Variants in VWA3B observed in about 807,000 individuals in gnomAD.
VWA3B encodes the protein von Willebrand factor A domain-containing protein 3B.
In VWA3B, 138 loss-of-function variants were observed where a neutral mutation model predicts 158.3. That is an observed-to-expected ratio of 0.87 (90% confidence interval 0.76 to 1.00). The LOEUF (loss-of-function observed/expected upper bound fraction) is 1.00, where lower values mean the gene tolerates loss of function less well. Ranked by LOEUF, VWA3B falls within the 50% of genes least tolerant of loss-of-function variation. The pLI is 0.00. For synonymous variants in VWA3B, 596 were observed against 587.3 expected (o/e 1.01, Z -0.21); for missense variants, 1,555 against 1,565.1 (o/e 0.99, Z 0.11).
downstream of VWA3B, among the ~76,000 whole-genome samples, chr2:98,316,200 A>G (rs1441693307): frequency 6.6e-6 from 1 of 152,228 alleles, no homozygotes; most frequent in Non-Finnish European, 1.5e-5. Flanking sequence ...GCATGTTTAC[A>G]GTAGGAGAGC....
chr2:98,266,753 G>C (rs1401021103), intron 21 of VWA3B, among the ~76,000 whole-genome samples: 1 of 110,230 alleles, frequency 9.1e-6, no homozygotes, highest in Admixed American at 9.8e-5. Context: ...CCTTGAAGAG[G>C]TCCTTCACAT....
chr2:98,206,678 G>A (rs575333354), intron 12 of VWA3B: 83 of 338,640 alleles, frequency 2.5e-4, no homozygotes, highest in South Asian at 4.4e-4. Flanking sequence ...GGAAATTAGC[G>A]TTGAGCAAGA....
At chr2:98,279,162 G>C (rs1277309968) in intron 22 of VWA3B, among the ~76,000 whole-genome samples, 1 of 152,140 alleles carries the variant, frequency 6.6e-6, no homozygotes. Context: ...TTTAAGGAGA[G>C]AATCCTGCTC....
intron 7 of VWA3B, among the ~76,000 whole-genome samples, chr2:98,160,133 C>T (rs796322010): frequency 2.7e-4 from 41 of 152,238 alleles, no homozygotes; most frequent in African/African-American, 7.7e-4. Context: ...GTGCCCCCAT[C>T]GTCTTCCATC....
chr2:98,121,200 G>A lies in VWA3B; in HGVS notation c.543-99G>A. On this transcript the variant is annotated intron_variant, in intron 4 of 27. Coordinates refer to ENST00000477737, the MANE Select transcript of VWA3B (RefSeq NM_144992.5). ...TTCTTTCTTTTTCAGCTCTAGAGAT[G>A]GATGTTGGCAGCTTGCTGCTCATGG... 5 of 1,416,130 alleles carry A rather than the reference G, an allele frequency of 3.5e-6. No individual in the cohort carries two copies. In the Admixed American group the frequency reaches 8.1e-5, roughly 23 times the overall value. The allele number at this position is 1,416,130 out of a possible 1,614,324, so 87.7% of individuals were successfully genotyped here. A position where few individuals can be genotyped will look rare whatever the true frequency, so the allele number is the denominator to read the frequency against.
intron 7 of VWA3B, among the ~76,000 whole-genome samples, chr2:98,152,848 C>T (rs938744059): frequency 2.9e-4 from 44 of 152,318 alleles, no homozygotes; most frequent in African/African-American, 1.0e-3. Flanking sequence ...GGTCAGAACT[C>T]TATGCTGTCA....
At chr2:98,131,893 T>C (rs1675901795) in intron 6 of VWA3B, among the ~76,000 whole-genome samples, 1 of 152,206 alleles carries the variant, frequency 6.6e-6, no homozygotes, top group African/African-American at 2.4e-5. Context: ...AAATTTTCAT[T>C]GTTAACAAGA....
downstream of VWA3B, among the ~76,000 whole-genome samples, chr2:98,316,601 C>A (rs185594873): frequency 2.8e-4 from 42 of 148,016 alleles, no homozygotes; most frequent in Non-Finnish European, 3.4e-4. Context: ...GAGCCAAGAT[C>A]ATGCCACTGT....
intron 8 of VWA3B, among the ~76,000 whole-genome samples, chr2:98,180,073 TTTC>T (rs1225055379): frequency 6.7e-6 from 1 of 148,826 alleles, no homozygotes; most frequent in Non-Finnish European, 1.5e-5. Flanking sequence ...TCTTTCTCTC[TTTC>T]TTTCTTTCTC....
intron 5 of VWA3B, among the ~76,000 whole-genome samples, chr2:98,127,508 A>G (rs1018636625): frequency 7.1e-6 from 1 of 140,350 alleles, no homozygotes; most frequent in Non-Finnish European, 1.5e-5. Context: ...AGCAGCTGGC[A>G]CTTCTCTGGG....
intron 12 of VWA3B, among the ~76,000 whole-genome samples, chr2:98,204,777 G>A (rs113768056): frequency 2.8e-4 from 43 of 152,270 alleles, no homozygotes; most frequent in African/African-American, 9.9e-4. Context: ...AGTGGATTGT[G>A]TAAAACTTGT....
At chr2:98,216,232 G>A (rs965662893) in intron 13 of VWA3B, among the ~76,000 whole-genome samples, 7 of 152,212 alleles carry the variant, frequency 4.6e-5, no homozygotes, top group Non-Finnish European at 8.8e-5. Context: ...ATTAGTCTTC[G>A]TTAAAAGGGA....
At chr2:98,141,100 A>G (rs1397544734) in intron 7 of VWA3B, among the ~76,000 whole-genome samples, 1 of 152,180 alleles carries the variant, frequency 6.6e-6, no homozygotes, top group African/African-American at 2.4e-5. Flanking sequence ...GCAGCCGCCC[A>G]TTGACTGTGG....
At chr2:98,286,495 C>T (rs1689173145) in intron 22 of VWA3B, among the ~76,000 whole-genome samples, 1 of 152,050 alleles carries the variant, frequency 6.6e-6, no homozygotes, top group African/African-American at 2.4e-5. Context: ...TTGTCAAATA[C>T]TCTTTCTCCT....
intron 10 of VWA3B, among the ~76,000 whole-genome samples, chr2:98,192,035 G>A (rs575174120): frequency 2.8e-4 from 42 of 152,120 alleles, no homozygotes; most frequent in Non-Finnish European, 5.3e-4. Context: ...CAGCCACCAG[G>A]GCCTTGGTTA....
At position 98,180,998 on chromosome 2, in the gene VWA3B, C is replaced by G; in HGVS notation, c.1115-18C>G. Reference sequence around the variant, plus strand: ...TGGCTCATGCAGTATGAATGGCTGACAAGCTGTGATTCTACAGAGTCAGAA... The same window carrying G: ...TGGCTCATGCAGTATGAATGGCTGAGAAGCTGTGATTCTACAGAGTCAGAA... On this transcript the variant is annotated intron_variant, in intron 8 of 27. Coordinates refer to ENST00000477737, the MANE Select transcript of VWA3B (RefSeq NM_144992.5). The G allele has an allele frequency of 6.2e-7, 1 of 1,612,294 alleles. No homozygotes were observed. The highest frequency in any genetic ancestry group is 8.5e-7 in the Non-Finnish European group (1 of 1,178,840).
At chr2:98,245,384 G>A (rs1686327623) in intron 19 of VWA3B, 1 of 367,510 alleles carries the variant, frequency 2.7e-6, no homozygotes, top group African/African-American at 2.1e-5. Flanking sequence ...CACTAAATTT[G>A]ACATCATAAA....
At chr2:98,235,092 G>C (rs1296286416) in intron 17 of VWA3B, among the ~76,000 whole-genome samples, 1 of 152,084 alleles carries the variant, frequency 6.6e-6, no homozygotes, top group Non-Finnish European at 1.5e-5. Flanking sequence ...TTCAATGGAT[G>C]ATGCTATCAG....
At chr2:98,250,500 C>T in intron 20 of VWA3B, 64 bp downstream of exon 20, 6 of 1,225,850 alleles carry the variant, frequency 4.9e-6, no homozygotes, top group South Asian at 3.1e-5. Flanking sequence ...AAGGAGACTT[C>T]TCTTGTTTTA....
Sources: gnomAD v4.1 joint callset for allele counts (sites outside exome capture counted in the v4.1 genomes callset) on GRCh38, gnomAD v4.1.1 for gene constraint, MANE v1.5 for transcripts, NCBI Gene and HGNC (gene_info 2026-07-23, HGNC 2026-07-21) for gene names.